VPS13B: variants seen among roughly 807,000 people sequenced by gnomAD.
VPS13B encodes vacuolar protein sorting 13 homolog B, also known as intermembrane lipid transfer protein VPS13B.
Under a neutral mutation model 426.4 loss-of-function variants are expected in VPS13B, and 285 were observed. The ratio of observed to expected loss-of-function variants is 0.67; its 90% confidence interval spans 0.61 to 0.74. VPS13B has a LOEUF of 0.74. VPS13B is among the 30% of genes least tolerant of loss of function. The pLI is 0.00. For missense variants in VPS13B, 4,537 were observed against 4,782.6 expected, an observed-to-expected ratio of 0.95 and a Z score of 1.51; for synonymous variants, 1,676 against 1,676.4, an observed-to-expected ratio of 1.00 and a Z score of 0.01.
At chr8:99,746,394 C>T (rs1029059803) in intron 39 of VPS13B, among the ~76,000 whole-genome samples, 1 of 152,074 alleles carries the variant, frequency 6.6e-6, no homozygotes, top group African/African-American at 2.4e-5. Context: ...GTGGTTTTAG[C>T]ATCCATTGAT....
intron 29 of VPS13B, among the ~76,000 whole-genome samples, chr8:99,517,053 C>T (rs2133655436): frequency 6.6e-6 from 1 of 152,192 alleles, no homozygotes; most frequent in South Asian, 2.1e-4. Flanking sequence ...GCCAGTATGG[C>T]AATAACTGAT....
chr8:99,380,007 G>C (rs192756223), intron 19 of VPS13B, among the ~76,000 whole-genome samples: 1 of 152,064 alleles, frequency 6.6e-6, no homozygotes, highest in African/African-American at 2.4e-5. Flanking sequence ...AAATCAAAAG[G>C]TCTTAATAAA....
chr8:99,566,365 T>C (rs1825185941), intron 31 of VPS13B, among the ~76,000 whole-genome samples: 1 of 152,174 alleles, frequency 6.6e-6, no homozygotes, highest in Admixed American at 6.5e-5. Flanking sequence ...GATGGATGGA[T>C]AGATAATGCC....
At chr8:99,468,753 C>A (rs1819244329) in intron 24 of VPS13B, among the ~76,000 whole-genome samples, 1 of 152,062 alleles carries the variant, frequency 6.6e-6, no homozygotes, top group African/African-American at 2.4e-5. Flanking sequence ...TTTTAATTCA[C>A]TTTTTATGAA....
At chr8:99,189,053 C>T (rs1813393161) in intron 16 of VPS13B, among the ~76,000 whole-genome samples, 1 of 152,174 alleles carries the variant, frequency 6.6e-6, no homozygotes, top group Non-Finnish European at 1.5e-5. Context: ...GCACCTGCCA[C>T]CACGCCCGGC....
intron 3 of VPS13B, among the ~76,000 whole-genome samples, chr8:99,054,117 T>A (rs10087533): frequency 6.6e-6 from 1 of 152,154 alleles, no homozygotes; most frequent in South Asian, 2.1e-4. Flanking sequence ...GGTTATTGAG[T>A]ATAATGCTAC....
intron 8 of VPS13B, among the ~76,000 whole-genome samples, chr8:99,123,094 C>G (rs921781811): frequency 4.3e-5 from 6 of 140,196 alleles, no homozygotes; most frequent in African/African-American, 1.6e-4. Flanking sequence ...GCACTCCAGC[C>G]TGGGCAACAA....
At chr8:99,199,897 T>C (rs776269831) in intron 17 of VPS13B, among the ~76,000 whole-genome samples, 4 of 152,184 alleles carry the variant, frequency 2.6e-5, no homozygotes, top group Non-Finnish European at 4.4e-5. Flanking sequence ...TTATATAAAA[T>C]TTTTGTACCA....
intron 17 of VPS13B, among the ~76,000 whole-genome samples, chr8:99,240,134 T>A (rs1162572321): frequency 1.3e-5 from 2 of 152,226 alleles, no homozygotes; most frequent in Non-Finnish European, 2.9e-5. Flanking sequence ...GCTCATTTTC[T>A]AAGTTATCTT....
chr8:99,373,202 A>G (rs1813288386), intron 19 of VPS13B, among the ~76,000 whole-genome samples: 1 of 151,982 alleles, frequency 6.6e-6, no homozygotes, highest in South Asian at 2.1e-4. Flanking sequence ...TAGGACAAAT[A>G]CCTAATGCAT....
intron 17 of VPS13B, among the ~76,000 whole-genome samples, chr8:99,239,670 G>A (rs530886550): frequency 6.9e-6 from 1 of 144,002 alleles, no homozygotes; most frequent in South Asian, 2.4e-4. Context: ...AGGTTCTGAG[G>A]TTAAGAATCA....
chr8:99,536,247 C>G (rs867076471), intron 30 of VPS13B, among the ~76,000 whole-genome samples: 2 of 152,098 alleles, frequency 1.3e-5, no homozygotes, highest in Non-Finnish European at 2.9e-5. Flanking sequence ...CCGTGCCCGG[C>G]CTGATTTTAA....
intron 31 of VPS13B, among the ~76,000 whole-genome samples, chr8:99,570,843 G>A (rs886201448): frequency 3.9e-5 from 6 of 152,058 alleles, no homozygotes; most frequent in Non-Finnish European, 8.8e-5. Context: ...AGATGCCCCA[G>A]GGTTATCAAA....
rs369513181 is a variant in VPS13B, at chr8:99,046,413, AT to A, written c.291+7858del. On this transcript the variant is annotated intron_variant, in intron 3 of 61. Transcript: ENST00000357162. Reference sequence around the variant, plus strand: ...ATTTTGTATCCATAAACTTTGTTGAATTTTTTTTTTTATCAGTTCTAGGAGG... The same window carrying A: ...ATTTTGTATCCATAAACTTTGTTGAATTTTTTTTTTATCAGTTCTAGGAGG... Among the ~76,000 whole-genome samples the A allele has an allele frequency of 9.5e-3, 1,417 of 148,956 alleles. 22 individuals carry two copies. Among genetic ancestry groups the A allele is most frequent in the African/African-American group, 0.032 (1,286 of 40,734 alleles).
intron 15 of VPS13B, 132 bp downstream of exon 15, chr8:99,156,875 G>A (rs1335353464): frequency 3.8e-6 from 3 of 783,426 alleles, no homozygotes; most frequent in Admixed American, 3.0e-5. Context: ...TAAGAAATAA[G>A]ATGTATTTAT....
At chr8:99,538,351 G>A (rs957924329) in intron 30 of VPS13B, among the ~76,000 whole-genome samples, 2 of 152,118 alleles carry the variant, frequency 1.3e-5, no homozygotes, top group African/African-American at 4.8e-5. Context: ...GTAAAAGTAG[G>A]TTCTTTATTC....
At chr8:99,406,262 C>A (rs559676789) in intron 21 of VPS13B, among the ~76,000 whole-genome samples, 5 of 150,608 alleles carry the variant, frequency 3.3e-5, no homozygotes, top group African/African-American at 1.2e-4. Flanking sequence ...TAGAATATAT[C>A]TCAAGGGCTA....
intron 43 of VPS13B, among the ~76,000 whole-genome samples, chr8:99,795,641 G>A (rs1157917447): frequency 6.6e-6 from 1 of 152,190 alleles, no homozygotes; most frequent in Non-Finnish European, 1.5e-5. Context: ...TTCCAGCTCA[G>A]CGTTTCTGAT....
intron 17 of VPS13B, among the ~76,000 whole-genome samples, chr8:99,260,259 T>C (rs1048445114): frequency 3.3e-5 from 5 of 152,122 alleles, no homozygotes; most frequent in Non-Finnish European, 5.9e-5. Context: ...TTCTATCAAC[T>C]CTCAGGAGGA....
Sources: gnomAD v4.1 joint callset for allele counts (sites outside exome capture counted in the v4.1 genomes callset) on GRCh38, gnomAD v4.1.1 for gene constraint, MANE v1.5 for transcripts, NCBI Gene and HGNC (gene_info 2026-07-23, HGNC 2026-07-21) for gene names.